Variants in RAD51B observed in about 807,000 individuals in gnomAD.
The protein encoded by RAD51B is RAD51 paralog B.
Under a neutral mutation model 42.2 loss-of-function variants are expected in RAD51B, and 38 were observed. That is an observed-to-expected ratio of 0.90 (90% CI 0.70 to 1.18). The LOEUF (loss-of-function observed/expected upper bound fraction) is 1.18. RAD51B is among the 50% of genes most tolerant of loss of function. The pLI is 0.00. For synonymous variants in RAD51B, 154 were observed against 145.2 expected (o/e 1.06, Z -0.43); for missense variants, 373 against 400.7 (o/e 0.93, Z 0.59).
At chr14:67,874,201 C>T (rs2042648151) in intron 5 of RAD51B, among the ~76,000 whole-genome samples, 2 of 152,206 alleles carry the variant, frequency 1.3e-5, no homozygotes, top group South Asian at 4.1e-4. Context: ...AGAAGCAATG[C>T]ACTAACCAAT....
intron 10 of RAD51B, among the ~76,000 whole-genome samples, chr14:68,548,029 T>G (rs1228642374): frequency 2.0e-5 from 3 of 152,188 alleles, no homozygotes; most frequent in East Asian, 3.9e-4. Flanking sequence ...AGGCATCCTG[T>G]CTTGGAGGCC....
chr14:67,920,256 G>A (rs1405673722), intron 7 of RAD51B, among the ~76,000 whole-genome samples: 4 of 151,964 alleles, frequency 2.6e-5, no homozygotes, highest in African/African-American at 9.7e-5. Context: ...ATAAAGTAAT[G>A]TTCTTCCAAT....
chr14:67,956,718 C>T (rs930089032), intron 7 of RAD51B, among the ~76,000 whole-genome samples: 1 of 152,104 alleles, frequency 6.6e-6, no homozygotes, highest in Non-Finnish European at 1.5e-5. Context: ...CCTATTGTAA[C>T]TAAGAGTTGC....
At chr14:68,235,984 T>C (rs2080248626) in intron 7 of RAD51B, among the ~76,000 whole-genome samples, 1 of 152,132 alleles carries the variant, frequency 6.6e-6, no homozygotes, top group South Asian at 2.1e-4. Context: ...TGTTCTTACT[T>C]ATAAGTGAGA....
intron 7 of RAD51B, among the ~76,000 whole-genome samples, chr14:68,264,428 G>A (rs1207255446): frequency 6.6e-6 from 1 of 152,232 alleles, no homozygotes; most frequent in Non-Finnish European, 1.5e-5. Context: ...CAGAGTAGAA[G>A]AGAAAGTTTT....
At chr14:67,828,353 T>C (rs192453003) in intron 3 of RAD51B, among the ~76,000 whole-genome samples, 157 of 152,200 alleles carry the variant, frequency 1.0e-3, no homozygotes, top group Non-Finnish European at 1.8e-3. Context: ...GTTTTTTTTT[T>C]CTTGTAAATT....
At chr14:68,088,743 G>A (rs1293219027) in intron 7 of RAD51B, among the ~76,000 whole-genome samples, 1 of 151,938 alleles carries the variant, frequency 6.6e-6, no homozygotes, top group Non-Finnish European at 1.5e-5. Flanking sequence ...TTGTGCTGGT[G>A]TTTTTTCCTG....
At chr14:68,625,157 G>A (rs1271393499) in intron 10 of RAD51B, among the ~76,000 whole-genome samples, 3 of 152,124 alleles carry the variant, frequency 2.0e-5, no homozygotes, top group East Asian at 3.8e-4. Flanking sequence ...GGGAATTCCA[G>A]GTCTTTCACA....
intron 4 of RAD51B, among the ~76,000 whole-genome samples, chr14:67,854,965 A>C (rs1255829453): frequency 6.6e-6 from 1 of 152,162 alleles, no homozygotes; most frequent in Non-Finnish European, 1.5e-5. Context: ...ATCTTAAAAA[A>C]CTATTATTTT....
At chr14:67,952,275 G>A (rs1456455752) in intron 7 of RAD51B, among the ~76,000 whole-genome samples, 1 of 151,786 alleles carries the variant, frequency 6.6e-6, no homozygotes, top group East Asian at 1.9e-4. Flanking sequence ...ACTATAATAA[G>A]CTATTTTGAA....
In RAD51B at chr14:68,477,904, C is replaced by T. The variant is rs746221388; in HGVS notation, c.*240C>T. On this transcript the variant is annotated 3_prime_UTR_variant, in exon 11 of 11. Transcript: ENST00000471583. The stretch of plus-strand genomic sequence containing the variant: ...TAGATGTGTAGGGCTGAGGGCTTTG[C>T]CGCCATGGGATGTCAACAGCCATAA... 4.6e-6 allele frequency: 6 copies of T among 1,304,674 alleles called. No homozygotes were observed. Among genetic ancestry groups the T allele is most frequent in the Admixed American group, 3.6e-5 (1 of 27,472 alleles). 80.8% of individuals were successfully genotyped at this position (1,304,674 alleles called of 1,614,324 possible).
chr14:68,574,850 C>G (rs1331488142), intron 10 of RAD51B, among the ~76,000 whole-genome samples: 1 of 152,124 alleles, frequency 6.6e-6, no homozygotes, highest in African/African-American at 2.4e-5. Context: ...GAAAGCCTGC[C>G]AATTTAGCAA....
chr14:68,293,653 A>C (rs1053610428), intron 8 of RAD51B, among the ~76,000 whole-genome samples: 1 of 152,062 alleles, frequency 6.6e-6, no homozygotes, highest in African/African-American at 2.4e-5. Context: ...TTCTCGTCCC[A>C]CATCCACTCC....
rs1882780400 is a variant in RAD51B, at chr14:68,477,619, AC to A, written c.1037-28del. On this transcript the variant is annotated intron_variant, in intron 10 of 10. Transcript: ENST00000471583. Reference sequence around the variant, plus strand: ...TTTCATAACAATTTTTTTTTTTCAAACTTTCTCTTTTTTTTTTTTTTCCTTT... The same window carrying A: ...TTTCATAACAATTTTTTTTTTTCAAATTTCTCTTTTTTTTTTTTTTCCTTT... 5 of 1,592,752 alleles carry A rather than the reference AC, an allele frequency of 3.1e-6. No homozygotes were observed. In the Admixed American group the frequency reaches 7.2e-5, roughly 23 times the overall value.
chr14:68,070,751 G>T (rs1373937343), intron 7 of RAD51B, among the ~76,000 whole-genome samples: 1 of 150,324 alleles, frequency 6.7e-6, no homozygotes, highest in African/African-American at 2.4e-5. Flanking sequence ...GGATTGCTTT[G>T]GCTATTCAGG....
At chr14:68,006,000 T>C (rs957891578) in intron 7 of RAD51B, among the ~76,000 whole-genome samples, 1 of 152,124 alleles carries the variant, frequency 6.6e-6, no homozygotes, top group Non-Finnish European at 1.5e-5. Flanking sequence ...ATAACACTTT[T>C]AAACAACCAG....
In RAD51B at chr14:67,910,440, A is replaced by AT. The variant is rs1396092599; in HGVS notation, c.756+23236_756+23237insT. On this transcript the variant is annotated intron_variant, in intron 7 of 10. Coordinates refer to ENST00000471583, the MANE Select transcript of RAD51B (RefSeq NM_133510.4). Reference sequence around the variant, plus strand: ...AAAAAAAAAAAAAAAAAAAAAAAAAAAATATTTAAATAAAAATAATGTTTC... The same window carrying AT: ...AAAAAAAAAAAAAAAAAAAAAAAAAATAATATTTAAATAAAAATAATGTTTC... 6.1e-5 allele frequency among the ~76,000 whole-genome samples: 9 copies of AT among 148,294 alleles called. 1 individual carries two copies. Among genetic ancestry groups the AT allele is most frequent in the East Asian group, 1.9e-4 (1 of 5,154 alleles).
intron 8 of RAD51B, among the ~76,000 whole-genome samples, chr14:68,337,897 T>C (rs987773102): frequency 1.3e-5 from 2 of 152,028 alleles, no homozygotes; most frequent in African/African-American, 4.8e-5. Flanking sequence ...TCAGCCTCCT[T>C]AGTAGCTGGG....
In RAD51B at chr14:68,205,396, G is replaced by A. The variant is rs2079564170; in HGVS notation, c.757-86488G>A. Among the ~76,000 whole-genome samples, 4 of 152,244 alleles carry A rather than the reference G, an allele frequency of 2.6e-5. No homozygotes were observed. The South Asian group carries it at 6.2e-4, about 24-fold the overall frequency. ...TGGGAGTGGTAGGAATTCAAAGGAA[G>A]GGATAGATATGAAACATGAAGGATG... is the stretch of plus-strand genomic sequence containing the variant. On this transcript the variant is annotated intron_variant, in intron 7 of 10. Coordinates refer to ENST00000471583, the MANE Select transcript of RAD51B (RefSeq NM_133510.4).
Sources: gnomAD v4.1 joint callset for allele counts (sites outside exome capture counted in the v4.1 genomes callset) on GRCh38, gnomAD v4.1.1 for gene constraint, MANE v1.5 for transcripts, NCBI Gene and HGNC (gene_info 2026-07-23, HGNC 2026-07-21) for gene names.